DCC: variants seen among roughly 807,000 people sequenced by gnomAD.
DCC encodes the protein DCC netrin 1 receptor.
In DCC, 58 loss-of-function variants were observed where a neutral mutation model predicts 172.5. That is an observed-to-expected ratio of 0.34 (90% CI 0.27 to 0.42). The LOEUF is 0.42. Ranked by LOEUF, DCC falls within the 10% of genes least tolerant of loss-of-function variation. DCC has a pLI of 1.00. For synonymous variants in DCC, 709 were observed against 644.5 expected, an observed-to-expected ratio of 1.10 and a Z score of -1.52; for missense variants, 1,740 against 1,791.0, an observed-to-expected ratio of 0.97 and a Z score of 0.51.
intron 1 of DCC, among the ~76,000 whole-genome samples, chr18:52,646,508 A>G (rs995476133): frequency 3.3e-5 from 5 of 152,186 alleles, no homozygotes; most frequent in African/African-American, 1.2e-4. Flanking sequence ...TCAGATGCTA[A>G]GTCCAGGCCC....
intron 2 of DCC, among the ~76,000 whole-genome samples, chr18:52,858,595 T>A (rs2145356246): frequency 6.6e-6 from 1 of 152,318 alleles, no homozygotes; most frequent in East Asian, 1.9e-4. Context: ...CCCGTGTATC[T>A]GCAACCTGAC....
chr18:53,045,595 A>G (rs2144015933), intron 5 of DCC, among the ~76,000 whole-genome samples: 1 of 151,960 alleles, frequency 6.6e-6, no homozygotes, highest in Non-Finnish European at 1.5e-5. Flanking sequence ...AGGTCCTCTA[A>G]AGTGCAAGAC....
At chr18:52,715,131 C>T (rs1020868887) in intron 1 of DCC, among the ~76,000 whole-genome samples, 1 of 151,838 alleles carries the variant, frequency 6.6e-6, no homozygotes, top group Non-Finnish European at 1.5e-5. Context: ...TTTGTTATTT[C>T]TAAAGAATCT....
At chr18:53,298,136 T>G (rs1043635116) in intron 12 of DCC, among the ~76,000 whole-genome samples, 2 of 152,156 alleles carry the variant, frequency 1.3e-5, no homozygotes, top group Non-Finnish European at 2.9e-5. Context: ...TATGTAATCA[T>G]TAGTATAATT....
chr18:53,033,644 C>A (rs1273978684), intron 5 of DCC, among the ~76,000 whole-genome samples: 3 of 152,074 alleles, frequency 2.0e-5, no homozygotes, highest in Non-Finnish European at 4.4e-5. Context: ...GTCTCTCCTG[C>A]ATCATCTATT....
intron 24 of DCC, among the ~76,000 whole-genome samples, chr18:53,464,991 A>T (rs1302310177): frequency 6.6e-6 from 1 of 151,344 alleles, no homozygotes; most frequent in Non-Finnish European, 1.5e-5. Flanking sequence ...AAAAAAAAAA[A>T]AAAAAAAAAA....
chr18:53,162,873 T>C (rs531281875), intron 8 of DCC, among the ~76,000 whole-genome samples: 5 of 152,378 alleles, frequency 3.3e-5, no homozygotes, highest in African/African-American at 1.2e-4. Context: ...TGGGCAAGGC[T>C]GTTTTTATCT....
At chr18:53,449,796 G>T (rs577208090) in intron 22 of DCC, among the ~76,000 whole-genome samples, 1 of 152,120 alleles carries the variant, frequency 6.6e-6, no homozygotes, top group African/African-American at 2.4e-5. Flanking sequence ...ACAATTCAGC[G>T]GTGTTCAGTG....
At chr18:53,096,933 G>A (rs2043096262) in intron 7 of DCC, among the ~76,000 whole-genome samples, 1 of 151,990 alleles carries the variant, frequency 6.6e-6, no homozygotes, top group Non-Finnish European at 1.5e-5. Context: ...CATTCTCAAA[G>A]GGTTTACAAA....
intron 1 of DCC, among the ~76,000 whole-genome samples, chr18:52,420,188 G>A (rs562061468): frequency 1.3e-5 from 2 of 152,286 alleles, no homozygotes; most frequent in South Asian, 4.1e-4. Context: ...TGCATAGATT[G>A]GGGAATCGGT....
intron 12 of DCC, among the ~76,000 whole-genome samples, chr18:53,299,504 C>G (rs1214332488): frequency 6.6e-6 from 1 of 152,194 alleles, no homozygotes; most frequent in African/African-American, 2.4e-5. Flanking sequence ...AACTCCAAAT[C>G]ACACTTGAAG....
intron 2 of DCC, among the ~76,000 whole-genome samples, chr18:52,784,323 G>T (rs926911846): frequency 6.6e-6 from 1 of 152,004 alleles, no homozygotes. Context: ...TTTACTCGAT[G>T]GGTACTTAGA....
intron 12 of DCC, among the ~76,000 whole-genome samples, chr18:53,268,410 G>A (rs2056707558): frequency 6.6e-6 from 1 of 151,920 alleles, no homozygotes; most frequent in South Asian, 2.1e-4. Flanking sequence ...AAAATCACAA[G>A]AATTATCACT....
chr18:52,988,301 A>G (rs1379001596), intron 5 of DCC, among the ~76,000 whole-genome samples: 1 of 152,136 alleles, frequency 6.6e-6, no homozygotes, highest in Non-Finnish European at 1.5e-5. Context: ...TACTTTATAC[A>G]ATTATTAAAC....
intron 2 of DCC, among the ~76,000 whole-genome samples, chr18:52,814,378 G>A (rs1394233972): frequency 2.0e-5 from 3 of 152,182 alleles, no homozygotes; most frequent in Admixed American, 2.0e-4. Context: ...CTGTGAGGAG[G>A]AAGACACAAG....
At chr18:52,374,928 T>C (rs1466087582) in intron 1 of DCC, among the ~76,000 whole-genome samples, 1 of 152,162 alleles carries the variant, frequency 6.6e-6, no homozygotes, top group Non-Finnish European at 1.5e-5. Flanking sequence ...CTTCTCAATA[T>C]TGATTTCCCA....
intron 1 of DCC, among the ~76,000 whole-genome samples, chr18:52,504,649 A>C (rs915578732): frequency 4.6e-5 from 7 of 152,182 alleles, no homozygotes; most frequent in African/African-American, 1.7e-4. Flanking sequence ...AAATGAATTA[A>C]GTGATAGTCA....
intron 5 of DCC, among the ~76,000 whole-genome samples, chr18:52,979,577 A>G (rs2041173659): frequency 1.3e-5 from 2 of 152,202 alleles, no homozygotes; most frequent in Non-Finnish European, 2.9e-5. Context: ...TCCCTCTCCC[A>G]AGTAAGGAGA....
intron 15 of DCC, among the ~76,000 whole-genome samples, chr18:53,361,278 G>A (rs915298675): frequency 4.6e-5 from 7 of 152,050 alleles, no homozygotes; most frequent in African/African-American, 1.7e-4. Context: ...AACGATTTTT[G>A]TTGTTTAAGT....
Sources: gnomAD v4.1 joint callset for allele counts (sites outside exome capture counted in the v4.1 genomes callset) on GRCh38, gnomAD v4.1.1 for gene constraint, MANE v1.5 for transcripts, NCBI Gene and HGNC (gene_info 2026-07-23, HGNC 2026-07-21) for gene names.